The following CCT3 variants were observed in gnomAD, a reference collection of about 807,000 sequenced individuals.
The protein encoded by CCT3 is chaperonin containing TCP1 subunit 3.
CCT3 carries 10 observed loss-of-function variants against 65.3 expected under a neutral mutation model. The ratio of observed to expected loss-of-function variants is 0.15; its 90% CI spans 0.09 to 0.26. CCT3 has a LOEUF of 0.26. Ranked by LOEUF, CCT3 falls within the 10% of genes least tolerant of loss-of-function variation. The pLI, the probability that CCT3 is intolerant of heterozygous loss-of-function variation, is 1.00. For missense variants in CCT3, 626 were observed against 708.7 expected, an observed-to-expected ratio of 0.88 and a Z score of 1.33; for synonymous variants, 225 against 242.3, an observed-to-expected ratio of 0.93 and a Z score of 0.66.
intron 10 of CCT3, among the ~76,000 whole-genome samples, chr1:156,316,390 A>C (rs989123503): frequency 6.6e-6 from 1 of 152,148 alleles, no homozygotes; most frequent in Non-Finnish European, 1.5e-5. Context: ...CATACGTCTG[A>C]CCGAAGTTTA....
At chr1:156,338,086 C>T (rs1264359365) in intron 1 of CCT3, 68 bp downstream of exon 1, 1 of 1,528,042 alleles carries the variant, frequency 6.5e-7, no homozygotes, top group East Asian at 2.4e-5. Context: ...GGAGCTGGGG[C>T]AACACTGAAA....
chr1:156,316,908 G>A (rs576685299), intron 10 of CCT3, among the ~76,000 whole-genome samples: 5 of 152,180 alleles, frequency 3.3e-5, no homozygotes, highest in Non-Finnish European at 2.9e-5. Flanking sequence ...GAAATGTAAC[G>A]GACACCCACC....
In CCT3 at chr1:156,337,713, T is replaced by C. The variant is rs1313765967; in HGVS notation, c.31+441A>G. On this transcript the variant is annotated intron_variant, in intron 1 of 13. Coordinates refer to ENST00000295688, the MANE Select transcript of CCT3 (RefSeq NM_005998.5). ...CTCACAATTCTACTAGGAAATACTG[T>C]TAACTCCGTAATACAGATTGAAACA... is the stretch of plus-strand genomic sequence containing the variant. 4 of 184,640 alleles carry C rather than the reference T, an allele frequency of 2.2e-5. No homozygotes were observed. In the South Asian group the frequency reaches 3.3e-4, roughly 15 times the overall value. The allele number at this position is 184,640 out of a possible 1,614,324, so 11.4% of individuals were successfully genotyped here.
chr1:156,313,362 A>AAAAAAAAAAAAG (rs1442504002), intron 10 of CCT3, among the ~76,000 whole-genome samples: 1 of 146,086 alleles, frequency 6.8e-6, no homozygotes, highest in Non-Finnish European at 1.5e-5. Context: ...AAAAAAAAAA[A>AAAAAAAAAAAAG]AGAGAGAGAG....
chr1:156,322,937 C>A (rs1045239959), intron 6 of CCT3, among the ~76,000 whole-genome samples: 2 of 152,128 alleles, frequency 1.3e-5, no homozygotes, highest in Non-Finnish European at 2.9e-5. Flanking sequence ...GAGCTTACTG[C>A]ATAAAAATAA....
rs1222773400 is a variant in CCT3 at position 156,338,187 on chromosome 1, C to A, written c.-3G>T. On this transcript the variant is annotated 5_prime_UTR_variant, in exon 1 of 14. Transcript: ENST00000295688. ...AGCACTGGACGATGGCCCATCATGGCGACGCGATGCAGAGCCGGGTACCCA... is the reference window on the plus strand; with the variant it reads ...AGCACTGGACGATGGCCCATCATGGAGACGCGATGCAGAGCCGGGTACCCA... 3 of 1,587,462 alleles carry A rather than the reference C, an allele frequency of 1.9e-6. No individual in the cohort carries two copies. The highest frequency in any genetic ancestry group is 1.2e-5 in the South Asian group (1 of 86,542).
chr1:156,326,715 G>C (rs1287755507), intron 5 of CCT3, among the ~76,000 whole-genome samples: 1 of 151,530 alleles, frequency 6.6e-6, no homozygotes, highest in Non-Finnish European at 1.5e-5. Context: ...TCTGGATAAG[G>C]GATTATTGGT....
At chr1:156,314,506 G>T (rs1170414506) in intron 10 of CCT3, among the ~76,000 whole-genome samples, 22 of 141,142 alleles carry the variant, frequency 1.6e-4, no homozygotes, top group Admixed American at 1.5e-3. Flanking sequence ...CCTGAGGTCG[G>T]GAGTTCAAGA....
chr1:156,310,516 AAATT>A (rs757921171), intron 13 of CCT3, 38 bp downstream of exon 13: 9 of 1,239,254 alleles, frequency 7.3e-6, no homozygotes, highest in South Asian at 1.7e-5. Flanking sequence ...ATAAATAAAT[AAATT>A]AATTAAAACA....
chr1:156,309,041 T>C lies in CCT3; in HGVS notation c.*158A>G. 1.6e-6 allele frequency: 1 copy of C among 608,812 alleles called. No individual in the cohort carries two copies. Among genetic ancestry groups the C allele is most frequent in the Non-Finnish European group, 2.9e-6 (1 of 339,890 alleles). 37.7% of individuals were successfully genotyped at this position (608,812 alleles called of 1,614,324 possible). A position where few individuals can be genotyped will look rare whatever the true frequency, so the allele number is the denominator to read the frequency against. On this transcript the variant is annotated 3_prime_UTR_variant, in exon 14 of 14. Coordinates refer to ENST00000295688, the MANE Select transcript of CCT3 (RefSeq NM_005998.5). ...ACAATAGAGAAGAATTACATGTCAG[T>C]GTCTTTTGGAAAACTGAGCTGGGAC...
intron 5 of CCT3, among the ~76,000 whole-genome samples, chr1:156,331,836 C>G (rs543706300): frequency 3.3e-5 from 5 of 151,608 alleles, no homozygotes; most frequent in Admixed American, 1.3e-4. Context: ...GAGTTCGACA[C>G]CAGCCTGACC....
At chr1:156,329,690 G>C (rs1005146168) in intron 5 of CCT3, among the ~76,000 whole-genome samples, 2 of 151,236 alleles carry the variant, frequency 1.3e-5, no homozygotes, top group East Asian at 4.0e-4. Flanking sequence ...TGTAATCCCA[G>C]CACTTTGGGA....
chr1:156,330,038 G>A (rs938237532), intron 5 of CCT3, among the ~76,000 whole-genome samples: 6 of 151,952 alleles, frequency 3.9e-5, no homozygotes, highest in African/African-American at 1.2e-4. Context: ...TTTAGGGCTG[G>A]TCAAGTGTTC....
chr1:156,317,127 C>A (rs772323191), intron 10 of CCT3, 39 bp downstream of exon 10: 1 of 1,532,540 alleles, frequency 6.5e-7, no homozygotes, highest in Admixed American at 1.7e-5. Context: ...AAAGGAAACA[C>A]ACGGGAAGAA....
intron 1 of CCT3, chr1:156,337,181 G>A (rs1265415859): frequency 1.6e-5 from 10 of 639,970 alleles, no homozygotes; most frequent in African/African-American, 3.9e-5. Context: ...GAGGTGGGCG[G>A]ATCACCTGAG....
chr1:156,329,454 C>T (rs1279007312), intron 5 of CCT3, among the ~76,000 whole-genome samples: 1 of 151,690 alleles, frequency 6.6e-6, no homozygotes, highest in African/African-American at 2.4e-5. Flanking sequence ...TACAGGCACG[C>T]GCCACCATGC....
Position 156,333,540 on chromosome 1 carries a change from C to G in CCT3, c.304+7G>C, listed in dbSNP as rs1558274266. The G allele has an allele frequency of 1.2e-6, 2 of 1,605,658 alleles. No homozygotes were observed. Among genetic ancestry groups the G allele is most frequent in the Admixed American group, 1.7e-5 (1 of 59,940 alleles). On this transcript the variant is annotated splice_region_variant and intron_variant, in intron 5 of 13. Coordinates refer to ENST00000295688, the MANE Select transcript of CCT3 (RefSeq NM_005998.5). Reference sequence around the variant, plus strand: ...TTTTCCTTATCAACCTCTTATTCTCCTCTTACCAAGAATAATTACTGATGT... The same window carrying G: ...TTTTCCTTATCAACCTCTTATTCTCGTCTTACCAAGAATAATTACTGATGT...
At chr1:156,335,784 T>C (rs542983934) in intron 2 of CCT3, 43 bp downstream of exon 2, 71 of 1,536,484 alleles carry the variant, frequency 4.6e-5, no homozygotes, top group South Asian at 4.1e-4. Context: ...CCAGGAAAGA[T>C]AGCTGGAGGC....
intron 5 of CCT3, among the ~76,000 whole-genome samples, chr1:156,331,634 G>GA (rs1369514761): frequency 1.3e-5 from 2 of 151,836 alleles, no homozygotes; most frequent in Non-Finnish European, 2.9e-5. Context: ...AGTGAACTGA[G>GA]ATTGCGCCAA....
Sources: gnomAD v4.1 joint callset for allele counts (sites outside exome capture counted in the v4.1 genomes callset) on GRCh38, gnomAD v4.1.1 for gene constraint, MANE v1.5 for transcripts, NCBI Gene and HGNC (gene_info 2026-07-23, HGNC 2026-07-21) for gene names.